EPM2A: variants seen among roughly 807,000 people sequenced by gnomAD.
The protein encoded by EPM2A is EPM2A glucan phosphatase, laforin.
In EPM2A, 21 loss-of-function variants were observed where a neutral mutation model predicts 26.5. That is an observed-to-expected ratio of 0.79 (90% CI 0.56 to 1.14). EPM2A has a LOEUF of 1.14. Among genes scored for constraint, EPM2A ranks in the 50% most tolerant of loss-of-function variants. The pLI is 0.00. For synonymous variants in EPM2A, 217 were observed against 177.6 expected (o/e 1.22, Z -1.76); for missense variants, 458 against 440.8 (o/e 1.04, Z -0.35).
At chr6:145,456,498 T>C (rs1483931519) in intron 4 of EPM2A, among the ~76,000 whole-genome samples, 1 of 152,136 alleles carries the variant, frequency 6.6e-6, no homozygotes, top group Admixed American at 6.5e-5. Context: ...ACTTTCCAAA[T>C]GAATAGAGTT....
At chr6:145,512,106 T>C (rs1018658153) in intron 2 of EPM2A, among the ~76,000 whole-genome samples, 13 of 151,834 alleles carry the variant, frequency 8.6e-5, no homozygotes, top group Non-Finnish European at 7.4e-5. Context: ...ATGAAAGAAA[T>C]TGTGGATGAC....
chr6:145,605,139 T>C (rs1040089379), intron 2 of EPM2A, among the ~76,000 whole-genome samples: 1 of 152,174 alleles, frequency 6.6e-6, no homozygotes, highest in African/African-American at 2.4e-5. Flanking sequence ...AGAAAACTTA[T>C]ACCTAAAAGT....
rs1386260227 is a variant in EPM2A at position 145,664,246 on chromosome 6, G to C, written c.476+21876C>G. On this transcript the variant is annotated intron_variant, in intron 2 of 3. Coordinates refer to ENST00000367519, the MANE Select transcript of EPM2A (RefSeq NM_005670.4). ...AGTTGGATAGAGTCAAGACCCATCAGTGTGCTGTATTCAGGAAACCCATCT... is the reference window on the plus strand; with the variant it reads ...AGTTGGATAGAGTCAAGACCCATCACTGTGCTGTATTCAGGAAACCCATCT... 4.6e-5 allele frequency among the ~76,000 whole-genome samples: 4 copies of C among 86,458 alleles called. 2 individuals carry two copies. The highest frequency in any genetic ancestry group is 2.0e-4 in the African/African-American group (4 of 19,686). The allele number at this position is 86,458 out of a possible 152,430, so 56.7% of individuals were successfully genotyped here.
At chr6:145,709,039 TC>T (rs1234540583) in intron 1 of EPM2A, among the ~76,000 whole-genome samples, 1 of 152,234 alleles carries the variant, frequency 6.6e-6, no homozygotes, top group African/African-American at 2.4e-5. Flanking sequence ...GGCCTATTTC[TC>T]CCATTTTGGA....
chr6:145,502,667 C>T, intron 2 of EPM2A: 1 of 449,660 alleles, frequency 2.2e-6, no homozygotes, highest in East Asian at 7.2e-5. Flanking sequence ...TAGGAAACAC[C>T]TTGAAAATAA....
intron 4 of EPM2A, among the ~76,000 whole-genome samples, chr6:145,409,075 A>G (rs1778608130): frequency 6.6e-6 from 1 of 152,230 alleles, no homozygotes; most frequent in Admixed American, 6.5e-5. Context: ...TGTTTATATC[A>G]CAGTGCCATA....
At chr6:145,401,478 T>A (rs1970312) in intron 4 of EPM2A, among the ~76,000 whole-genome samples, 16,529 of 152,126 alleles carry the variant, frequency 0.11, 949 homozygotes, top group South Asian at 0.17. Flanking sequence ...TGAATTTTGG[T>A]TCAACCATGT....
intron 2 of EPM2A, among the ~76,000 whole-genome samples, chr6:145,519,291 G>A (rs1374371997): frequency 6.6e-6 from 1 of 152,118 alleles, no homozygotes; most frequent in Non-Finnish European, 1.5e-5. Context: ...TCTATTTGAT[G>A]CACCATGGAT....
chr6:145,519,204 G>A (rs409725), intron 2 of EPM2A, among the ~76,000 whole-genome samples: 68,481 of 152,054 alleles, frequency 0.45, 15,472 homozygotes, highest in South Asian at 0.58. Context: ...TATCTTGATA[G>A]TTGATTAGGA....
intron 4 of EPM2A, among the ~76,000 whole-genome samples, chr6:145,458,179 A>G (rs541003072): frequency 6.6e-6 from 1 of 152,344 alleles, no homozygotes; most frequent in Non-Finnish European, 1.5e-5. Flanking sequence ...TTCGTCTATC[A>G]TTAGTCACAT....
At chr6:145,642,883 TA>T (rs1777191789) in intron 2 of EPM2A, among the ~76,000 whole-genome samples, 1 of 152,130 alleles carries the variant, frequency 6.6e-6, no homozygotes, top group African/African-American at 2.4e-5. Context: ...TATACTAATA[TA>T]AAAGCAATGA....
chr6:145,721,559 C>T (rs1301705388), intron 1 of EPM2A: 1 of 152,234 alleles, frequency 6.6e-6, no homozygotes, highest in Non-Finnish European at 1.5e-5. Flanking sequence ...TACCACAGCT[C>T]TTTCAGAAAA....
At chr6:145,386,506 A>G (rs916468532) in intron 4 of EPM2A, among the ~76,000 whole-genome samples, 1 of 152,190 alleles carries the variant, frequency 6.6e-6, no homozygotes, top group African/African-American at 2.4e-5. Context: ...TAGAGCCGTC[A>G]CTAGATATTC....
chr6:145,586,791 T>A (rs900959889), intron 2 of EPM2A, among the ~76,000 whole-genome samples: 1 of 152,162 alleles, frequency 6.6e-6, no homozygotes, highest in East Asian at 1.9e-4. Flanking sequence ...AAAGGGATAA[T>A]TGTAGATATG....
chr6:145,554,086 A>G (rs931900115), intron 2 of EPM2A, among the ~76,000 whole-genome samples: 1 of 151,906 alleles, frequency 6.6e-6, no homozygotes, highest in Non-Finnish European at 1.5e-5. Flanking sequence ...TAAAGCAAAT[A>G]TATGTTCAGC....
At chr6:145,698,180 T>C (rs1231219026) in intron 1 of EPM2A, among the ~76,000 whole-genome samples, 1 of 152,184 alleles carries the variant, frequency 6.6e-6, no homozygotes, top group African/African-American at 2.4e-5. Context: ...AACAATTTGT[T>C]CTCAACAATT....
At chr6:145,660,972 A>G (rs779292273) in intron 2 of EPM2A, among the ~76,000 whole-genome samples, 3 of 152,130 alleles carry the variant, frequency 2.0e-5, no homozygotes, top group Non-Finnish European at 4.4e-5. Context: ...TATCAAGAAG[A>G]CAATAAAGAA....
chr6:145,477,341 T>A (rs1779555592), intron 4 of EPM2A, among the ~76,000 whole-genome samples: 1 of 151,984 alleles, frequency 6.6e-6, no homozygotes, highest in Non-Finnish European at 1.5e-5. Flanking sequence ...TGTTGAATTC[T>A]ACCAAACATT....
intron 2 of EPM2A, among the ~76,000 whole-genome samples, chr6:145,514,187 T>C (rs1331575164): frequency 5.3e-5 from 8 of 152,202 alleles, no homozygotes; most frequent in Admixed American, 5.2e-4. Flanking sequence ...TTGATGAGAA[T>C]GGAATATCTC....
Sources: allele counts gnomAD v4.1 joint callset (sites outside exome capture counted in the v4.1 genomes callset), GRCh38; gene constraint gnomAD v4.1.1; transcripts MANE v1.5; gene names NCBI Gene and HGNC (gene_info 2026-07-23, HGNC 2026-07-21).